The following STK3 variants were observed in gnomAD, a reference collection of about 807,000 sequenced individuals.
The protein encoded by STK3 is serine/threonine-protein kinase 3.
A neutral mutation model predicts 58.0 loss-of-function variants in STK3; 41 were observed. The observed-to-expected ratio is 0.71, with a 90% CI of 0.55 to 0.92. The LOEUF (loss-of-function observed/expected upper bound fraction) is 0.92. Ranked by LOEUF, STK3 falls within the 40% of genes least tolerant of loss-of-function variation. The pLI is 0.00. For missense variants in STK3, 479 were observed against 602.7 expected (o/e 0.79, Z 2.15); for synonymous variants, 170 against 191.0 (o/e 0.89, Z 0.91).
intron 6 of STK3, among the ~76,000 whole-genome samples, chr8:98,627,623 G>A (rs1348186899): frequency 1.3e-5 from 2 of 151,848 alleles, no homozygotes; most frequent in Non-Finnish European, 2.9e-5. Flanking sequence ...GCTTCCTGAA[G>A]CCTCACCAGA....
intron 4 of STK3, among the ~76,000 whole-genome samples, chr8:98,724,395 A>C: frequency 6.6e-6 from 1 of 152,262 alleles, no homozygotes; most frequent in East Asian, 1.9e-4. Flanking sequence ...AAGATACATA[A>C]GGCATGTGCA....
At chr8:98,630,634 C>CAGAAGA (rs1255194036) in intron 6 of STK3, among the ~76,000 whole-genome samples, 1 of 146,300 alleles carries the variant, frequency 6.8e-6, no homozygotes, top group African/African-American at 2.6e-5. Context: ...CAGAGAGGAA[C>CAGAAGA]AGAAGAAGAA....
At chr8:98,479,485 T>C (rs950270371) in intron 10 of STK3, among the ~76,000 whole-genome samples, 4 of 2,894 alleles carry the variant, frequency 1.4e-3, no homozygotes, top group African/African-American at 7.6e-3. Context: ...ACACTCCGTC[T>C]CGGGGGGGGG....
At chr8:98,790,889 C>A (rs1587630561) in intron 1 of STK3, among the ~76,000 whole-genome samples, 1 of 151,750 alleles carries the variant, frequency 6.6e-6, no homozygotes, top group South Asian at 2.1e-4. Flanking sequence ...GAGGCTGAGG[C>A]AGGAGAATCA....
At chr8:98,478,258 G>C (rs756140724) in intron 10 of STK3, among the ~76,000 whole-genome samples, 10 of 152,168 alleles carry the variant, frequency 6.6e-5, no homozygotes, top group Non-Finnish European at 1.5e-4. Context: ...ATCTACTGAA[G>C]AGTACTCAAA....
At chr8:98,398,274 T>G (rs1055982911), downstream of STK3, among the ~76,000 whole-genome samples, 1 of 152,094 alleles carries the variant, frequency 6.6e-6, no homozygotes, top group African/African-American at 2.4e-5. Context: ...CTCCCATTCC[T>G]ACCCAAAGCT....
the STK3 span, among the ~76,000 whole-genome samples, chr8:98,352,346 G>A: frequency 6.6e-6 from 1 of 152,130 alleles, no homozygotes; most frequent in Non-Finnish European, 1.5e-5. Context: ...GAGGAGGTGG[G>A]CTGTTGACTG....
At chr8:98,541,522 C>G (rs1225846950) in intron 9 of STK3, among the ~76,000 whole-genome samples, 1 of 152,098 alleles carries the variant, frequency 6.6e-6, no homozygotes, top group African/African-American at 2.4e-5. Context: ...TATATATTAC[C>G]CAGTCTCACA....
chr8:98,855,509 A>T (rs1468258182), intron 3 of STK3, among the ~76,000 whole-genome samples: 1 of 152,220 alleles, frequency 6.6e-6, no homozygotes, highest in East Asian at 1.9e-4. Context: ...TTAAAAATTA[A>T]CTCAAAATTG....
chr8:98,496,249 A>T (rs908332881), intron 10 of STK3, among the ~76,000 whole-genome samples: 18 of 152,310 alleles, frequency 1.2e-4, no homozygotes, highest in African/African-American at 4.1e-4. Context: ...ATATGATCTT[A>T]TATGTAGAAA....
the STK3 span, among the ~76,000 whole-genome samples, chr8:98,352,155 A>AG: frequency 4.0e-5 from 6 of 148,508 alleles, no homozygotes; most frequent in Non-Finnish European, 7.4e-5. Flanking sequence ...AAAAAAAAAA[A>AG]GAGACTACTG....
chr8:98,610,476 CATTG>C (rs1351565339), intron 6 of STK3, among the ~76,000 whole-genome samples: 12 of 152,138 alleles, frequency 7.9e-5, no homozygotes, highest in Non-Finnish European at 1.8e-4. Context: ...CAATAGCATC[CATTG>C]ATTTTCTTTC....
chr8:98,663,827 C>A (rs2130801602), intron 6 of STK3, among the ~76,000 whole-genome samples: 1 of 152,236 alleles, frequency 6.6e-6, no homozygotes, highest in Middle Eastern at 3.4e-3. Context: ...ACAATGAGAA[C>A]ACAAGTTGTA....
At chr8:98,738,888 G>A (rs546009235) in intron 4 of STK3, among the ~76,000 whole-genome samples, 11 of 152,350 alleles carry the variant, frequency 7.2e-5, no homozygotes, top group South Asian at 2.1e-4. Context: ...ACTCCCACCC[G>A]AATACTGCGC....
intron 6 of STK3, among the ~76,000 whole-genome samples, chr8:98,686,006 G>A (rs915639408): frequency 3.3e-5 from 5 of 151,984 alleles, no homozygotes; most frequent in African/African-American, 7.3e-5. Flanking sequence ...CTGAATAAAC[G>A]TTTTACAGTG....
chr8:98,397,008 C>A (rs1174551876), downstream of STK3, among the ~76,000 whole-genome samples: 1 of 152,136 alleles, frequency 6.6e-6, no homozygotes, highest in Non-Finnish European at 1.5e-5. Flanking sequence ...AACTAAGGCC[C>A]AAGGAGGTTA....
At chr8:98,655,569 T>G (rs1380504532) in intron 6 of STK3, among the ~76,000 whole-genome samples, 1 of 150,962 alleles carries the variant, frequency 6.6e-6, no homozygotes, top group Non-Finnish European at 1.5e-5. Flanking sequence ...TGGGAGAAAA[T>G]TTTCGCAACC....
chr8:98,589,553 T>G (rs1347473449), intron 7 of STK3, among the ~76,000 whole-genome samples: 4 of 152,222 alleles, frequency 2.6e-5, no homozygotes, highest in East Asian at 1.9e-4. Flanking sequence ...GTCTTTTTGT[T>G]TGTCTGTGCC....
At chr8:98,608,240 TAAAAA>T (rs529214454) in intron 6 of STK3, among the ~76,000 whole-genome samples, 1 of 147,086 alleles carries the variant, frequency 6.8e-6, no homozygotes, top group African/African-American at 2.5e-5. Flanking sequence ...CACTCACAAA[TAAAAA>T]AAAAAATTCA....
Sources: gnomAD v4.1 joint callset for allele counts (sites outside exome capture counted in the v4.1 genomes callset) on GRCh38, gnomAD v4.1.1 for gene constraint, MANE v1.5 for transcripts, NCBI Gene and HGNC (gene_info 2026-07-23, HGNC 2026-07-21) for gene names.